The following NWD2 variants were observed in gnomAD, a reference collection of about 807,000 sequenced individuals.
The protein encoded by NWD2 is NACHT and WD repeat domain-containing protein 2.
In NWD2, 37 loss-of-function variants were observed where a neutral mutation model predicts 132.7. The observed-to-expected ratio is 0.28, with a 90% confidence interval of 0.21 to 0.37. The LOEUF (loss-of-function observed/expected upper bound fraction) is 0.37, where lower values mean the gene tolerates loss of function less well. Among genes scored for constraint, NWD2 ranks in the 10% least tolerant of loss-of-function variants. NWD2 has a pLI of 1.00. For synonymous variants in NWD2, 705 were observed against 803.0 expected (o/e 0.88, Z 2.06); for missense variants, 1,592 against 2,122.4 (o/e 0.75, Z 4.91).
At chr4:37,313,058 A>G (rs1337919116) in intron 1 of NWD2, among the ~76,000 whole-genome samples, 1 of 151,156 alleles carries the variant, frequency 6.6e-6, no homozygotes, top group African/African-American at 2.5e-5. Context: ...TTTTGCATCA[A>G]TGTTCATCAA....
chr4:37,438,759 C>T (rs1027718707), intron 5 of NWD2, 42 bp from the exon 6 acceptor site: 21 of 1,385,646 alleles, frequency 1.5e-5, no homozygotes, highest in Non-Finnish European at 2.0e-5. Context: ...TGTGTTGCTC[C>T]TTTGTTCTAA....
chr4:37,305,154 C>G (rs1718684230), intron 1 of NWD2, among the ~76,000 whole-genome samples: 1 of 152,176 alleles, frequency 6.6e-6, no homozygotes, highest in South Asian at 2.1e-4. Flanking sequence ...CTATGTTGGC[C>G]CCTTTCAGCC....
At chr4:37,423,453 G>C (rs2109323593) in intron 3 of NWD2, among the ~76,000 whole-genome samples, 1 of 152,266 alleles carries the variant, frequency 6.6e-6, no homozygotes, top group East Asian at 1.9e-4. Flanking sequence ...GCCATCTGCG[G>C]GCTGGAGGCC....
intron 1 of NWD2, among the ~76,000 whole-genome samples, chr4:37,303,195 T>G (rs1036827120): frequency 4.6e-5 from 7 of 152,206 alleles, no homozygotes; most frequent in African/African-American, 1.7e-4. Flanking sequence ...TACCATTTAT[T>G]TGAAGGAGGC....
chr4:37,443,185 C>A lies in NWD2; in HGVS notation c.1297-100C>A. On this transcript the variant is annotated intron_variant, in intron 6 of 6. Transcript: ENST00000309447. The surrounding 1 kb of genome is among the most constrained non-coding windows in gnomAD (Gnocchi z 4.1). ...TGGTCCTAAGCTATTTCCTGCACAG[C>A]AGAGGAGACCAGAAATCTGAGCTCT... The A allele has an allele frequency of 9.4e-7, 1 of 1,059,030 alleles. No homozygotes were observed. Among genetic ancestry groups the A allele is most frequent in the Non-Finnish European group, 1.3e-6 (1 of 747,776 alleles). The allele number at this position is 1,059,030 out of a possible 1,614,324, so 65.6% of individuals were successfully genotyped here. A position where few individuals can be genotyped will look rare whatever the true frequency, so the allele number is the denominator to read the frequency against.
At chr4:37,260,779 ACAT>A (rs1415134043) in intron 1 of NWD2, among the ~76,000 whole-genome samples, 1 of 152,202 alleles carries the variant, frequency 6.6e-6, no homozygotes, top group African/African-American at 2.4e-5. Context: ...TTTTTAAAAA[ACAT>A]CATTGAGTTT....
chr4:37,366,319 C>T (rs1011019683), intron 3 of NWD2, among the ~76,000 whole-genome samples: 8 of 152,190 alleles, frequency 5.3e-5, no homozygotes, highest in African/African-American at 1.4e-4. Flanking sequence ...GCAACCGAGC[C>T]GCGGCCCAGT....
intron 1 of NWD2, among the ~76,000 whole-genome samples, chr4:37,316,898 G>T (rs1275024837): frequency 6.6e-6 from 1 of 151,990 alleles, no homozygotes; most frequent in African/African-American, 2.4e-5. Flanking sequence ...TTTTTAGTTT[G>T]TTTCTTTGAA....
intron 1 of NWD2, among the ~76,000 whole-genome samples, chr4:37,302,236 C>T (rs1028066617): frequency 1.3e-5 from 2 of 151,940 alleles, no homozygotes; most frequent in African/African-American, 2.4e-5. Flanking sequence ...CCTGACCTAT[C>T]TCACCTATTA....
At chr4:37,340,473 A>G (rs1180015390) in intron 2 of NWD2, among the ~76,000 whole-genome samples, 1 of 152,218 alleles carries the variant, frequency 6.6e-6, no homozygotes, top group East Asian at 1.9e-4. Context: ...ATACCATAAT[A>G]TTGAAAACAG....
intron 4 of NWD2, among the ~76,000 whole-genome samples, chr4:37,433,052 AT>A (rs1246635789): frequency 1.3e-5 from 2 of 152,004 alleles, no homozygotes; most frequent in Non-Finnish European, 2.9e-5. Context: ...AACATAACAC[AT>A]TTTCTCTGTG....
At chr4:37,415,758 C>T (rs1033655685) in intron 3 of NWD2, among the ~76,000 whole-genome samples, 16 of 150,226 alleles carry the variant, frequency 1.1e-4, no homozygotes, top group Middle Eastern at 3.2e-3. Flanking sequence ...CTTAAAAATG[C>T]GAAAGTCCAG....
intron 1 of NWD2, among the ~76,000 whole-genome samples, chr4:37,312,833 G>A (rs534505703): frequency 4.0e-5 from 6 of 151,256 alleles, no homozygotes; most frequent in South Asian, 2.1e-4. Flanking sequence ...AGAGTTTTTA[G>A]CATGAAGGGT....
intron 1 of NWD2, among the ~76,000 whole-genome samples, chr4:37,289,058 A>G (rs557111846): frequency 7.9e-5 from 12 of 152,252 alleles, no homozygotes; most frequent in Admixed American, 1.3e-4. Context: ...TTAACTGCAC[A>G]TATGGTTTAC....
At chr4:37,422,895 G>A (rs973983028) in intron 3 of NWD2, among the ~76,000 whole-genome samples, 6 of 151,974 alleles carry the variant, frequency 3.9e-5, no homozygotes, top group African/African-American at 1.5e-4. Flanking sequence ...ACCCATGAAT[G>A]TATCCCTTTG....
intron 3 of NWD2, among the ~76,000 whole-genome samples, chr4:37,360,231 A>C (rs1487768529): frequency 6.6e-6 from 1 of 152,192 alleles, no homozygotes; most frequent in Non-Finnish European, 1.5e-5. Context: ...AACCCATAAA[A>C]GGCTAACAAC....
At chr4:37,358,274 G>C (rs1267278802) in intron 3 of NWD2, among the ~76,000 whole-genome samples, 1 of 152,066 alleles carries the variant, frequency 6.6e-6, no homozygotes, top group Admixed American at 6.6e-5. Context: ...TTGGCTGCTG[G>C]GTGAAGAATA....
chr4:37,336,667 G>A (rs938775245), intron 2 of NWD2, among the ~76,000 whole-genome samples: 10 of 152,154 alleles, frequency 6.6e-5, no homozygotes, highest in Admixed American at 6.5e-5. Context: ...TTGGCTGGGC[G>A]CCATGGCTCA....
intron 1 of NWD2, among the ~76,000 whole-genome samples, chr4:37,245,913 A>T (rs1717235140): frequency 6.6e-6 from 1 of 152,086 alleles, no homozygotes; most frequent in Non-Finnish European, 1.5e-5. Context: ...CACTCCATGA[A>T]AACTTGTTGA....
Sources: allele counts gnomAD v4.1 joint callset (sites outside exome capture counted in the v4.1 genomes callset), GRCh38; gene constraint gnomAD v4.1.1; non-coding constraint Gnocchi (gnomAD v3.1); transcripts MANE v1.5; gene names NCBI Gene and HGNC (gene_info 2026-07-23, HGNC 2026-07-21).